CEP250: variants seen among roughly 807,000 people sequenced by gnomAD.
CEP250 encodes the protein centrosome-associated protein CEP250.
In CEP250, 242 loss-of-function variants were observed where a neutral mutation model predicts 315.7. The observed-to-expected ratio is 0.77, with a 90% CI of 0.69 to 0.85. The LOEUF is 0.85. CEP250 is among the 40% of genes least tolerant of loss of function. CEP250 has a pLI of 0.00. For synonymous variants in CEP250, 1,088 were observed against 1,175.0 expected, an observed-to-expected ratio of 0.93 and a Z score of 1.51; for missense variants, 2,515 against 2,886.4, an observed-to-expected ratio of 0.87 and a Z score of 2.95.
chr20:35,475,773 G>A (rs2063155331), intron 15 of CEP250, 127 bp downstream of exon 15: 3 of 1,035,822 alleles, frequency 2.9e-6, no homozygotes, highest in Non-Finnish European at 4.3e-6. Flanking sequence ...TCTGCTTCTG[G>A]GTTCTCTATT....
At chr20:35,477,241 C>T (rs1482826623) in intron 16 of CEP250, among the ~76,000 whole-genome samples, 1 of 152,032 alleles carries the variant, frequency 6.6e-6, no homozygotes, top group African/African-American at 2.4e-5. Context: ...AACTCCTGAC[C>T]TCAGGTGATC....
chr20:35,492,782 C>T (rs1294940097), intron 22 of CEP250, among the ~76,000 whole-genome samples: 1 of 152,180 alleles, frequency 6.6e-6, no homozygotes, highest in Admixed American at 6.5e-5. Flanking sequence ...GGCTAGAGTG[C>T]GGTGGCACTA....
intron 33 of CEP250, 52 bp downstream of exon 33, chr20:35,509,096 A>G: frequency 6.9e-7 from 1 of 1,450,412 alleles, no homozygotes; most frequent in East Asian, 2.5e-5. Context: ...CCCAGCCACC[A>G]GAAACTCAGC....
At chr20:35,456,103 C>G (rs1277514288) in intron 1 of CEP250, among the ~76,000 whole-genome samples, 1 of 152,194 alleles carries the variant, frequency 6.6e-6, no homozygotes. Context: ...CCATGTTGGT[C>G]AGGCTGATCT....
At chr20:35,501,718 T>C in intron 28 of CEP250, 127 bp from the exon 29 acceptor site, 1 of 1,057,598 alleles carries the variant, frequency 9.5e-7, no homozygotes. Context: ...TGGATATAAT[T>C]TTCTCCTTCT....
At chr20:35,476,787 G>C (rs1391325527) in intron 16 of CEP250, 192 bp downstream of exon 16, 1 of 507,754 alleles carries the variant, frequency 2.0e-6, no homozygotes, top group African/African-American at 1.9e-5. Flanking sequence ...ACCACCTCTG[G>C]ACTTCAGGGT....
chr20:35,468,387 G>A (rs926642043), intron 9 of CEP250, among the ~76,000 whole-genome samples: 2 of 151,992 alleles, frequency 1.3e-5, no homozygotes, highest in Admixed American at 6.6e-5. Context: ...TTTTTGGTGA[G>A]GCTGTTTTAC....
chr20:35,480,649 G>A (rs535709012), intron 20 of CEP250, among the ~76,000 whole-genome samples: 2 of 142,558 alleles, frequency 1.4e-5, no homozygotes, highest in East Asian at 4.2e-4. Flanking sequence ...CTGGAGTACA[G>A]TGGTGCATTC....
intron 27 of CEP250, 66 bp downstream of exon 27, chr20:35,498,782 G>T: frequency 6.7e-7 from 1 of 1,484,920 alleles, no homozygotes; most frequent in African/African-American, 1.4e-5. Flanking sequence ...GCAAAGGGGT[G>T]TGAAGCAGTT....
rs753684828 is a variant in CEP250 at position 35,504,925 on chromosome 20, A to G, written c.6556A>G (p.Ser2186Gly). The stretch of plus-strand genomic sequence containing the variant: ...ACTCTCCCTAGCGCAGACCAAGGCC[A>G]GTGTCAGCAGTCTGCAGGAGGTAGC... ...LALSLAQTKA[S>G]VSSLQEVAMF... The change falls in exon 30 of 35, where the codon AGT becomes GGT. Residue 2186 changes from serine (S) to glycine (G), a missense_variant. By Grantham distance (56) the Ser-to-Gly change is moderately conservative. Coordinates refer to ENST00000397527, the MANE Select transcript of CEP250 (RefSeq NM_007186.6). 38 of 1,614,066 alleles carry G rather than the reference A, an allele frequency of 2.4e-5. No homozygotes were observed. The highest frequency in any genetic ancestry group is 3.1e-5 in the Non-Finnish European group (36 of 1,180,032).
chr20:35,506,072 G>A (rs964458307), intron 30 of CEP250, among the ~76,000 whole-genome samples: 10 of 152,178 alleles, frequency 6.6e-5, no homozygotes, highest in Non-Finnish European at 1.0e-4. Context: ...GGGTCTGAGA[G>A]GTAGGACTTG....
chr20:35,499,998 GT>G, intron 27 of CEP250, 50 bp from the exon 28 acceptor site: 1 of 1,611,648 alleles, frequency 6.2e-7, no homozygotes, highest in South Asian at 1.1e-5. Context: ...GCCCTGCATT[GT>G]TTTGTGGAAG....
Position 35,474,053 on chromosome 20 carries a change from G to A in CEP250, c.1571+1G>A. 1 of 1,542,668 alleles carries A rather than the reference G, an allele frequency of 6.5e-7. No individual in the cohort carries two copies. Among genetic ancestry groups the A allele is most frequent in the East Asian group, 2.4e-5 (1 of 41,786 alleles). On this transcript the variant is annotated splice_donor_variant, in intron 14 of 34. Coordinates refer to ENST00000397527, the MANE Select transcript of CEP250 (RefSeq NM_007186.6). LOFTEE classifies it high-confidence loss of function. Reference sequence around the variant, plus strand: ...TGGCTGTCCGGGAGAGGGAGCGTCTGTAAGTGAGACTAGTCTCCTCCTCGC... The same window carrying A: ...TGGCTGTCCGGGAGAGGGAGCGTCTATAAGTGAGACTAGTCTCCTCCTCGC...
In CEP250 at chr20:35,500,110, A is replaced by G. The variant is rs1432371741; in HGVS notation, c.3839A>G (p.Lys1280Arg). ...CGTCTAACTGATACTGAGGCTGAGA[A>G]GAGCCAGGTCCACACAGAGTTGCAG... is the stretch of plus-strand genomic sequence containing the variant. Reference protein sequence around the residue: ...EERLTDTEAEKSQVHTELQDL... With the variant: ...EERLTDTEAERSQVHTELQDL... Residue 1280 changes from lysine (K) to arginine (R), a missense_variant, in exon 28 of 35, where the codon AAG becomes AGG. By Grantham distance (26) the Lys-to-Arg change is conservative (BLOSUM62 2). Coordinates refer to ENST00000397527, the MANE Select transcript of CEP250 (RefSeq NM_007186.6). The G allele has an allele frequency of 6.2e-7, 1 of 1,613,758 alleles. No homozygotes were observed.
At chr20:35,470,682 G>A (rs2063003830) in intron 10 of CEP250, among the ~76,000 whole-genome samples, 1 of 152,250 alleles carries the variant, frequency 6.6e-6, no homozygotes, top group Non-Finnish European at 1.5e-5. Flanking sequence ...GAACCTGGGA[G>A]GTGGAGGTTG....
At chr20:35,494,406 A>T (rs1032504561) in intron 23 of CEP250, 118 bp from the exon 24 acceptor site, 7 of 1,320,934 alleles carry the variant, frequency 5.3e-6, no homozygotes, top group African/African-American at 4.4e-5. Flanking sequence ...TCGCCAGAGC[A>T]TTGGAAATGG....
chr20:35,464,224 T>A (rs977728331), intron 5 of CEP250, among the ~76,000 whole-genome samples: 1 of 152,196 alleles, frequency 6.6e-6, no homozygotes, highest in Non-Finnish European at 1.5e-5. Context: ...GTATGTTCCT[T>A]GGGTTATGAT....
At chr20:35,474,577 G>T (rs2063117301) in intron 14 of CEP250, among the ~76,000 whole-genome samples, 1 of 152,190 alleles carries the variant, frequency 6.6e-6, no homozygotes, top group South Asian at 2.1e-4. Flanking sequence ...GGCTGGGCTG[G>T]CTAAAGGGTA....
At position 35,508,840 on chromosome 20, in the gene CEP250, C is replaced by G. The variant is rs2064272091; in HGVS notation, c.6907-103C>G. On this transcript the variant is annotated intron_variant, in intron 32 of 34. Coordinates refer to ENST00000397527, the MANE Select transcript of CEP250 (RefSeq NM_007186.6). ...GAGTTCTCTTCCCATGGTTACTGTCCCCTCATATACCTGCACAGGCACTGG... is the reference window on the plus strand; with the variant it reads ...GAGTTCTCTTCCCATGGTTACTGTCGCCTCATATACCTGCACAGGCACTGG... 8 of 862,168 alleles carry G rather than the reference C, an allele frequency of 9.3e-6. No homozygotes were observed. The South Asian group carries it at 1.3e-4, about 14-fold the overall frequency. The allele number at this position is 862,168 out of a possible 1,614,324, so 53.4% of individuals were successfully genotyped here. A position where few individuals can be genotyped will look rare whatever the true frequency, so the allele number is the denominator to read the frequency against.
Sources: allele counts gnomAD v4.1 joint callset (sites outside exome capture counted in the v4.1 genomes callset), GRCh38; gene constraint gnomAD v4.1.1; transcripts MANE v1.5; gene names NCBI Gene and HGNC (gene_info 2026-07-23, HGNC 2026-07-21).